CCDC57: variants seen among roughly 807,000 people sequenced by gnomAD.
CCDC57 encodes coiled-coil domain containing 57, also known as coiled-coil domain-containing protein 57.
Under a neutral mutation model 118.9 loss-of-function variants are expected in CCDC57, and 118 were observed. The ratio of observed to expected loss-of-function variants is 0.99; its 90% CI spans 0.86 to 1.16. The LOEUF (loss-of-function observed/expected upper bound fraction) is 1.16. CCDC57 is among the 50% of genes most tolerant of loss of function. The pLI, the probability that CCDC57 is intolerant of heterozygous loss-of-function variation, is 0.00. For missense variants in CCDC57, 1,300 were observed against 1,320.7 expected, an observed-to-expected ratio of 0.98 and a Z score of 0.24; for synonymous variants, 527 against 532.9, an observed-to-expected ratio of 0.99 and a Z score of 0.15.
intron 13 of CCDC57, 39 bp downstream of exon 12, chr17:82,171,662 T>A: frequency 6.3e-7 from 1 of 1,592,928 alleles, no homozygotes; most frequent in Admixed American, 1.7e-5. Context: ...TTTCAGTTTA[T>A]AAGGGGACAG....
At chr17:82,160,848 T>C (rs867669677) in intron 14 of CCDC57, among the ~76,000 whole-genome samples, 1 of 116,916 alleles carries the variant, frequency 8.6e-6, no homozygotes, top group Admixed American at 1.3e-4. Flanking sequence ...CACTCCAGCC[T>C]GGGCGACACA....
At chr17:82,165,542 C>T (rs535873282) in intron 13 of CCDC57, among the ~76,000 whole-genome samples, 2 of 152,022 alleles carry the variant, frequency 1.3e-5, no homozygotes, top group East Asian at 3.9e-4. Flanking sequence ...AGCAAGAAGA[C>T]GGGGACGTGC....
rs63184860 is a variant in CCDC57 at position 82,145,026 on chromosome 17, CTT to C, written c.2455+6532_2455+6533del. On this transcript the variant is annotated intron_variant, in intron 16 of 19. Transcript: ENST00000665763. ...TTTTATTTCTTTTCTTTTTTTTTTT[CTT>C]TTTTTTTTTTTTGAGACAGAGTCTC... Among the ~76,000 whole-genome samples, 585 of 120,260 alleles carry C rather than the reference CTT, an allele frequency of 4.9e-3. 4 individuals carry two copies. Among genetic ancestry groups the C allele is most frequent in the African/African-American group, 0.016 (541 of 32,814 alleles). The allele number at this position is 120,260 out of a possible 152,430, so 78.9% of individuals were successfully genotyped here. A position where few individuals can be genotyped will look rare whatever the true frequency, so the allele number is the denominator to read the frequency against.
At chr17:82,179,311 T>G in intron 9 of CCDC57, 122 bp from the exon 9 acceptor site, 1 of 1,044,910 alleles carries the variant, frequency 9.6e-7, no homozygotes, top group Admixed American at 2.8e-5. Context: ...TGGCCTGCGC[T>G]GGGCTGACAT....
chr17:82,200,348 T>C (rs2048847865), intron 3 of CCDC57, among the ~76,000 whole-genome samples: 1 of 152,194 alleles, frequency 6.6e-6, no homozygotes, highest in Non-Finnish European at 1.5e-5. Flanking sequence ...TGTGCGCAGG[T>C]GGCTCTATAT....
At position 82,199,477 on chromosome 17, in the gene CCDC57, C is replaced by CAAAAAAAAAAAA. The variant is rs55713414; in HGVS notation, c.408-1067_408-1056dup. Reference sequence around the variant, plus strand: ...TGGGCGACAGAGCAAGACTCTGTCTCAAAAAAAAAAAAAGAGTGTGAGACT... The same window carrying CAAAAAAAAAAAA: ...TGGGCGACAGAGCAAGACTCTGTCTCAAAAAAAAAAAAAAAAAAAAAAAAAGAGTGTGAGACT... On this transcript the variant is annotated intron_variant, in intron 3 of 19. Transcript: ENST00000665763. 3.8e-4 allele frequency among the ~76,000 whole-genome samples: 33 copies of CAAAAAAAAAAAA among 87,680 alleles called. 1 individual carries two copies. Among genetic ancestry groups the CAAAAAAAAAAAA allele is most frequent in the African/African-American group, 1.1e-3 (24 of 22,348 alleles). The allele number at this position is 87,680 out of a possible 152,430, so 57.5% of individuals were successfully genotyped here. A position where few individuals can be genotyped will look rare whatever the true frequency, so the allele number is the denominator to read the frequency against.
At chr17:82,148,028 T>C (rs1433874430) in intron 16 of CCDC57, among the ~76,000 whole-genome samples, 1 of 72,028 alleles carries the variant, frequency 1.4e-5, no homozygotes, top group Non-Finnish European at 2.5e-5. Flanking sequence ...GGTGGGTGGA[T>C]GGATGGTAGA....
At chr17:82,199,477 C>CAAAAAAAAA (rs55713414) in intron 3 of CCDC57, among the ~76,000 whole-genome samples, 3 of 87,718 alleles carry the variant, frequency 3.4e-5, no homozygotes, top group African/African-American at 8.9e-5. Context: ...GACTCTGTCT[C>CAAAAAAAAA]AAAAAAAAAA....
intron 2 of CCDC57, among the ~76,000 whole-genome samples, chr17:82,202,434 ACTCT>A (rs1214274953): frequency 2.9e-5 from 4 of 137,222 alleles, no homozygotes; most frequent in East Asian, 2.2e-4. Flanking sequence ...ACAGAGCAAG[ACTCT>A]CTCTCAAAAC....
In CCDC57 at chr17:82,195,423, C is replaced by T. The variant is rs949189427; in HGVS notation, c.517-59G>A. ...TGGGAACCCAGCAAAGACCCCCACCCACGTCCTGGGAGGTGGGATCCAGAG... is the reference window on the plus strand; with the variant it reads ...TGGGAACCCAGCAAAGACCCCCACCTACGTCCTGGGAGGTGGGATCCAGAG... On this transcript the variant is annotated intron_variant, in intron 4 of 19. Coordinates refer to ENST00000665763, the Ensembl canonical transcript of CCDC57. 1.0e-5 allele frequency: 14 copies of T among 1,364,496 alleles called. No individual in the cohort carries two copies. In the Middle Eastern group the frequency reaches 5.3e-4, roughly 52 times the overall value. 84.5% of individuals were successfully genotyped at this position (1,364,496 alleles called of 1,614,324 possible).
chr17:82,195,894 T>A (rs2048243528), intron 4 of CCDC57, among the ~76,000 whole-genome samples: 1 of 152,194 alleles, frequency 6.6e-6, no homozygotes, highest in Non-Finnish European at 1.5e-5. Context: ...AAGTTTCCCC[T>A]AGTAACCAAA....
chr17:82,121,706 C>T (rs77348155), intron 19 of CCDC57, among the ~76,000 whole-genome samples: 2,317 of 152,352 alleles, frequency 0.015, 59 homozygotes, highest in South Asian at 0.091. Flanking sequence ...CGATGAGCTC[C>T]TGGGCCTCAG....
At chr17:82,199,661 G>A (rs1007350334) in intron 3 of CCDC57, among the ~76,000 whole-genome samples, 4 of 152,110 alleles carry the variant, frequency 2.6e-5, no homozygotes, top group South Asian at 2.1e-4. Context: ...CCCGCACGGC[G>A]GGCAAGTGGG....
chr17:82,155,580 C>G (rs2042581519), intron 15 of CCDC57: 1 of 152,464 alleles, frequency 6.6e-6, no homozygotes, highest in South Asian at 2.1e-4. Flanking sequence ...GTGGCTGAGT[C>G]CGGGCTGTGG....
At chr17:82,135,578 T>C (rs2039037205) in intron 16 of CCDC57, among the ~76,000 whole-genome samples, 2 of 152,178 alleles carry the variant, frequency 1.3e-5, no homozygotes, top group Admixed American at 1.3e-4. Flanking sequence ...AACCCAAAGA[T>C]GACACTTGGA....
chr17:82,141,890 T>C (rs941390639), intron 16 of CCDC57, among the ~76,000 whole-genome samples: 13 of 152,208 alleles, frequency 8.5e-5, no homozygotes, highest in African/African-American at 3.1e-4. Context: ...CACTGGGTTA[T>C]CTGCGTCCAG....
At chr17:82,114,282 A>C (rs994485727) in intron 19 of CCDC57, among the ~76,000 whole-genome samples, 4 of 152,144 alleles carry the variant, frequency 2.6e-5, no homozygotes, top group African/African-American at 9.7e-5. Context: ...GTGTCATAAG[A>C]AGCACAAAAG....
At chr17:82,197,448 G>A (rs1339938942) in intron 4 of CCDC57, among the ~76,000 whole-genome samples, 1 of 152,224 alleles carries the variant, frequency 6.6e-6, no homozygotes, top group Non-Finnish European at 1.5e-5. Flanking sequence ...TGAGTTTCCA[G>A]AACATTGAGG....
intron 11 of CCDC57, among the ~76,000 whole-genome samples, chr17:82,174,737 C>T (rs1415008679): frequency 6.6e-6 from 1 of 152,240 alleles, no homozygotes; most frequent in African/African-American, 2.4e-5. Flanking sequence ...GGTACCGTTG[C>T]TTTTTGTAAC....
Sources: gnomAD v4.1 joint callset for allele counts (sites outside exome capture counted in the v4.1 genomes callset) on GRCh38, gnomAD v4.1.1 for gene constraint, MANE v1.5 for transcripts, NCBI Gene and HGNC (gene_info 2026-07-23, HGNC 2026-07-21) for gene names.